Variants in CLSTN2 observed in about 807,000 individuals in gnomAD.
CLSTN2 encodes the protein calsyntenin-2.
Under a neutral mutation model 101.2 loss-of-function variants are expected in CLSTN2, and 48 were observed. The observed-to-expected ratio is 0.47, with a 90% CI of 0.38 to 0.60. The LOEUF (loss-of-function observed/expected upper bound fraction) is 0.60. Ranked by LOEUF, CLSTN2 falls within the 20% of genes least tolerant of loss-of-function variation. The pLI is 0.00. For missense variants in CLSTN2, 1,160 were observed against 1,238.2 expected, an observed-to-expected ratio of 0.94 and a Z score of 0.95; for synonymous variants, 481 against 463.6, an observed-to-expected ratio of 1.04 and a Z score of -0.48.
chr3:140,463,420 G>C (rs1440315980), intron 7 of CLSTN2, among the ~76,000 whole-genome samples: 4 of 152,180 alleles, frequency 2.6e-5, no homozygotes, highest in Non-Finnish European at 5.9e-5. Flanking sequence ...TGGTCCCCCT[G>C]CCTGCTAGGA....
chr3:140,180,231 A>G (rs940610706), intron 2 of CLSTN2, among the ~76,000 whole-genome samples: 1 of 152,204 alleles, frequency 6.6e-6, no homozygotes, highest in African/African-American at 2.4e-5. Context: ...ACGCTAAGCA[A>G]CTTGCCCAGA....
intron 10 of CLSTN2, among the ~76,000 whole-genome samples, chr3:140,552,711 C>T (rs535662242): frequency 3.3e-4 from 50 of 152,260 alleles, no homozygotes; most frequent in African/African-American, 1.2e-3. Context: ...CACTGCAGAC[C>T]TATCATCTAC....
chr3:140,189,164 C>T (rs945329198), intron 2 of CLSTN2, among the ~76,000 whole-genome samples: 2 of 152,124 alleles, frequency 1.3e-5, no homozygotes, highest in African/African-American at 4.8e-5. Context: ...CTCTTTTTAA[C>T]CATTCCTTAT....
chr3:140,463,821 G>A (rs1411015333), intron 7 of CLSTN2, among the ~76,000 whole-genome samples: 1 of 152,178 alleles, frequency 6.6e-6, no homozygotes, highest in Admixed American at 6.5e-5. Flanking sequence ...TGCAAGGCTA[G>A]CAACCAGAGG....
At chr3:140,348,316 A>G (rs1264172821) in intron 2 of CLSTN2, among the ~76,000 whole-genome samples, 1 of 152,198 alleles carries the variant, frequency 6.6e-6, no homozygotes, top group Non-Finnish European at 1.5e-5. Context: ...CAAGTTTTCC[A>G]ACTTTTAAAA....
intron 5 of CLSTN2, among the ~76,000 whole-genome samples, chr3:140,429,004 A>G (rs1472392001): frequency 2.6e-5 from 4 of 152,188 alleles, no homozygotes; most frequent in Admixed American, 6.5e-5. Flanking sequence ...ACTTTGACTA[A>G]GACCATGCGG....
intron 4 of CLSTN2, among the ~76,000 whole-genome samples, chr3:140,410,321 C>T (rs1410506103): frequency 2.0e-5 from 3 of 151,358 alleles, no homozygotes; most frequent in African/African-American, 7.3e-5. Context: ...TACATGGGAA[C>T]CTCACTGAAG....
intron 1 of CLSTN2, among the ~76,000 whole-genome samples, chr3:139,973,984 C>T (rs945950756): frequency 6.6e-6 from 1 of 152,128 alleles, no homozygotes; most frequent in African/African-American, 2.4e-5. Context: ...TGGCACAGTT[C>T]TAGGGAAGGA....
In CLSTN2 at chr3:140,070,031, C is replaced by T. The variant is rs112163412; in HGVS notation, c.110-105920C>T. ...CTGCATGGATGACAGTGGGAAAGTGCTCCATAAACCTGACCATCACACCTA... is the reference window on the plus strand; with the variant it reads ...CTGCATGGATGACAGTGGGAAAGTGTTCCATAAACCTGACCATCACACCTA... On this transcript the variant is annotated intron_variant, in intron 1 of 16. Transcript: ENST00000458420. 7.1e-4 allele frequency among the ~76,000 whole-genome samples: 108 copies of T among 152,324 alleles called. 1 individual carries two copies. Among genetic ancestry groups the T allele is most frequent in the African/African-American group, 2.6e-3 (106 of 41,558 alleles).
intron 1 of CLSTN2, among the ~76,000 whole-genome samples, chr3:140,165,514 C>T (rs2107822352): frequency 6.6e-6 from 1 of 152,238 alleles, no homozygotes; most frequent in Admixed American, 6.5e-5. Flanking sequence ...GGCATGAGAG[C>T]AGACAGTACA....
chr3:140,016,739 C>T (rs1280401057), intron 1 of CLSTN2, among the ~76,000 whole-genome samples: 2 of 130,454 alleles, frequency 1.5e-5, no homozygotes, highest in Non-Finnish European at 3.1e-5. Flanking sequence ...GCGCAGTTTG[C>T]AGTGAGCCGA....
At chr3:140,306,810 C>T (rs2087118027) in intron 2 of CLSTN2, among the ~76,000 whole-genome samples, 1 of 151,826 alleles carries the variant, frequency 6.6e-6, no homozygotes, top group Non-Finnish European at 1.5e-5. Flanking sequence ...GTTTCAACCC[C>T]ATCAGAGTTC....
At position 139,937,109 on chromosome 3, in the gene CLSTN2, T is replaced by TG. The variant is rs560873154; in HGVS notation, c.109+1633dup. 1.4e-4 allele frequency among the ~76,000 whole-genome samples: 13 copies of TG among 96,202 alleles called. No individual in the cohort carries two copies. The South Asian group carries it at 2.3e-3, about 17-fold the overall frequency. 63.1% of individuals were successfully genotyped at this position (96,202 alleles called of 152,430 possible). The stretch of plus-strand genomic sequence containing the variant: ...ACAGGCAAATTACTTTTTTGGGGGG[T>TG]GGGGGGGAGGAGATTTCCCATCACT... On this transcript the variant is annotated intron_variant, in intron 1 of 16. Transcript: ENST00000458420.
intron 1 of CLSTN2, among the ~76,000 whole-genome samples, chr3:140,002,898 C>T (rs1450767175): frequency 6.6e-6 from 1 of 152,048 alleles, no homozygotes; most frequent in African/African-American, 2.4e-5. Context: ...TTTCTGGGTT[C>T]TCTATTCTGT....
At chr3:140,007,435 C>T (rs377180459) in intron 1 of CLSTN2, among the ~76,000 whole-genome samples, 9 of 152,186 alleles carry the variant, frequency 5.9e-5, no homozygotes, top group African/African-American at 9.6e-5. Context: ...GGCTGCATTT[C>T]GACGGGGCAG....
chr3:140,349,595 G>A (rs778720730), intron 2 of CLSTN2, among the ~76,000 whole-genome samples: 1 of 152,174 alleles, frequency 6.6e-6, no homozygotes, highest in Non-Finnish European at 1.5e-5. Flanking sequence ...AGTATTGGGT[G>A]TGGTATGAGG....
rs142382139 is a variant in CLSTN2 at position 140,049,614 on chromosome 3, A to G, written c.109+114131A>G. ...ACACCTTCTGCATAGAGAGTGCCTA[A>G]GCTGGGCCATGATCTGTCTGGCTCA... On this transcript the variant is annotated intron_variant, in intron 1 of 16. Coordinates refer to ENST00000458420, the MANE Select transcript of CLSTN2 (RefSeq NM_022131.3). Among the ~76,000 whole-genome samples the G allele has an allele frequency of 3.1e-3, 479 of 152,266 alleles. 2 individuals are homozygous for G. The highest frequency in any genetic ancestry group is 0.011 in the African/African-American group (456 of 41,564).
intron 16 of CLSTN2, among the ~76,000 whole-genome samples, 190 bp downstream of exon 16, chr3:140,564,335 C>T (rs549684575): frequency 1.2e-3 from 181 of 152,288 alleles, no homozygotes; most frequent in Middle Eastern, 6.8e-3. Context: ...TCATACCTTC[C>T]CACCAACTAC....
chr3:140,299,754 C>T (rs1245390738), intron 2 of CLSTN2, among the ~76,000 whole-genome samples: 2 of 152,128 alleles, frequency 1.3e-5, no homozygotes, highest in Non-Finnish European at 2.9e-5. Flanking sequence ...GCCCAAAGTT[C>T]GTAATAAATA....
Sources: allele counts gnomAD v4.1 joint callset (sites outside exome capture counted in the v4.1 genomes callset), GRCh38; gene constraint gnomAD v4.1.1; transcripts MANE v1.5; gene names NCBI Gene and HGNC (gene_info 2026-07-23, HGNC 2026-07-21).